CTDNEP1: variants seen among roughly 807,000 people sequenced by gnomAD.
CTDNEP1 encodes the protein C-terminal domain nuclear envelope phosphatase 1.
Under a neutral mutation model 30.1 loss-of-function variants are expected in CTDNEP1, and 3 were observed. The ratio of observed to expected loss-of-function variants is 0.10; its 90% CI spans 0.05 to 0.26. The LOEUF (loss-of-function observed/expected upper bound fraction) is 0.26. Among genes scored for constraint, CTDNEP1 ranks in the 10% least tolerant of loss-of-function variants. CTDNEP1 has a pLI of 1.00. For missense variants in CTDNEP1, 158 were observed against 310.4 expected (o/e 0.51, Z 3.69); for synonymous variants, 123 against 118.8 (o/e 1.04, Z -0.23).
chr17:7,247,366 T>C (rs529799468), intron 1 of CTDNEP1, 23 bp from the exon 2 acceptor site: 42 of 1,598,148 alleles, frequency 2.6e-5, no homozygotes, highest in African/African-American at 2.4e-4. Context: ...CAAAAGAGGA[T>C]TGAAACCCTT....
chr17:7,249,310 C>T (rs893632594), intron 1 of CTDNEP1, among the ~76,000 whole-genome samples: 4 of 151,992 alleles, frequency 2.6e-5, no homozygotes, highest in Non-Finnish European at 5.9e-5. Flanking sequence ...GGCTCTCTCC[C>T]CCTAATCAAG....
chr17:7,251,973 G>C (rs1468350651), upstream of CTDNEP1: 1 of 173,924 alleles, frequency 5.7e-6, no homozygotes, highest in Non-Finnish European at 1.3e-5. Context: ...ACCGTCCAAA[G>C]GACTCCCTCT....
chr17:7,244,103 T>G lies in CTDNEP1; in HGVS notation c.*82A>C. 6.3e-7 allele frequency: 1 copy of G among 1,590,138 alleles called. No homozygotes were observed. Among genetic ancestry groups the G allele is most frequent in the Non-Finnish European group, 8.6e-7 (1 of 1,166,746 alleles). On this transcript the variant is annotated 3_prime_UTR_variant, in exon 8 of 8. Coordinates refer to ENST00000574322, the MANE Select transcript of CTDNEP1 (RefSeq NM_001143775.2). ...AGACCCTGCCCAGGCAGTCCTCACA[T>G]TGGACAGGGCATCAGACGGCATCCC...
Position 7,244,132 on chromosome 17 carries a change from G to A in CTDNEP1, c.*53C>T. On this transcript the variant is annotated 3_prime_UTR_variant, in exon 8 of 8. Coordinates refer to ENST00000574322, the MANE Select transcript of CTDNEP1 (RefSeq NM_001143775.2). ...ACAGGGCATCAGACGGCATCCCAAG[G>A]GCTCGCCCTCCCTTTCCCCCCCACC... 1 of 1,610,654 alleles carries A rather than the reference G, an allele frequency of 6.2e-7. No homozygotes were observed. The highest frequency in any genetic ancestry group is 1.7e-5 in the Admixed American group (1 of 59,908).
chr17:7,244,203 G>A lies in CTDNEP1; in HGVS notation c.717C>T (p.His239=). ...DVRSVLSRNL[H]QHRLW is the part of the protein sequence containing the mutation. ...GCAGCTGTCACCAGAGCCGATGTTG[G>A]TGAAGGTTTCGGCTCAGCACGGAAC... Residue 239 remains histidine (H), a synonymous_variant, in exon 8 of 8, where the codon CAC becomes CAT. Coordinates refer to ENST00000574322, the MANE Select transcript of CTDNEP1 (RefSeq NM_001143775.2). 6.2e-7 allele frequency: 1 copy of A among 1,614,094 alleles called. No homozygotes were observed.
At position 7,247,335 on chromosome 17, in the gene CTDNEP1, C is replaced by T; in HGVS notation, c.111G>A (p.Gln37=). 1 of 1,613,650 alleles carries T rather than the reference C, an allele frequency of 6.2e-7. No individual in the cohort carries two copies. Among genetic ancestry groups the T allele is most frequent in the Non-Finnish European group, 8.5e-7 (1 of 1,179,772 alleles). Residue 37 remains glutamine, a synonymous_variant, in exon 2 of 8, where the codon CAG becomes CAA. Coordinates refer to ENST00000574322, the MANE Select transcript of CTDNEP1 (RefSeq NM_001143775.2). ...GGATATCATATCGAACAGTTTGGTACTGAATTACCTACAAATAGCACAAAA... is the reference window on the plus strand; with the variant it reads ...GGATATCATATCGAACAGTTTGGTATTGAATTACCTACAAATAGCACAAAA... ...LLRRQIRTVI[Q]YQTVRYDILP...
chr17:7,248,782 T>C (rs1597575268), intron 1 of CTDNEP1, among the ~76,000 whole-genome samples: 1 of 152,354 alleles, frequency 6.6e-6, no homozygotes, highest in Non-Finnish European at 1.5e-5. Flanking sequence ...GTGCCTCAGA[T>C]TCCCTAGTGC....
chr17:7,244,384 G>T, intron 7 of CTDNEP1, 139 bp from the exon 8 acceptor site: 1 of 1,194,926 alleles, frequency 8.4e-7, no homozygotes, highest in Non-Finnish European at 1.2e-6. Flanking sequence ...TTTGCCCACA[G>T]CCTACTAGCT....
chr17:7,248,352 CT>C (rs1167534124), intron 1 of CTDNEP1, among the ~76,000 whole-genome samples: 1 of 133,152 alleles, frequency 7.5e-6, no homozygotes, highest in Non-Finnish European at 1.5e-5. Context: ...AACGTGCCCT[CT>C]TTTTTTTTCT....
At chr17:7,249,568 G>A (rs929003095) in intron 1 of CTDNEP1, among the ~76,000 whole-genome samples, 1 of 152,298 alleles carries the variant, frequency 6.6e-6, no homozygotes, top group African/African-American at 2.4e-5. Flanking sequence ...CGTATGCCCA[G>A]AAAACTGATG....
Position 7,251,389 on chromosome 17 carries a change from G to A in CTDNEP1, c.-93C>T. 1 of 859,022 alleles carries A rather than the reference G, an allele frequency of 1.2e-6. No homozygotes were observed. Among genetic ancestry groups the A allele is most frequent in the Non-Finnish European group, 1.6e-6 (1 of 616,270 alleles). 53.2% of individuals were successfully genotyped at this position (859,022 alleles called of 1,614,324 possible). A position where few individuals can be genotyped will look rare whatever the true frequency, so the allele number is the denominator to read the frequency against. Reference sequence around the variant, plus strand: ...GCCCCCCGCCGCCGGGAGGGGGAACGGGGGCCCCGAGTGGCAGGAGAGGCT... The same window carrying A: ...GCCCCCCGCCGCCGGGAGGGGGAACAGGGGCCCCGAGTGGCAGGAGAGGCT... On this transcript the variant is annotated 5_prime_UTR_variant, in exon 1 of 8. Coordinates refer to ENST00000574322, the MANE Select transcript of CTDNEP1 (RefSeq NM_001143775.2).
Position 7,244,557 on chromosome 17 carries a change from G to C in CTDNEP1, c.668C>G (p.Ala223Gly). Reference sequence around the variant, plus strand: ...CAGAGCCCACTTCCCTTACCTGAGGGCATCCAGCATTGGGAGCAGGTTGAG... The same window carrying C: ...CAGAGCCCACTTCCCTTACCTGAGGCCATCCAGCATTGGGAGCAGGTTGAG... ...ALLNLLPMLD[A>G]LRFTADVRSV... The change falls in exon 7 of 8, where the codon GCC becomes GGC. Residue 223 changes from alanine to glycine, a missense_variant. This residue lies in a region of CTDNEP1 where 96 missense variants were observed against 229.1 expected (regional missense o/e 0.42). Coordinates refer to ENST00000574322, the MANE Select transcript of CTDNEP1 (RefSeq NM_001143775.2). 6.2e-7 allele frequency: 1 copy of C among 1,613,492 alleles called. No individual in the cohort carries two copies. The highest frequency in any genetic ancestry group is 8.5e-7 in the Non-Finnish European group (1 of 1,179,500).
chr17:7,244,706 G>C, intron 6 of CTDNEP1, 71 bp from the exon 7 acceptor site: 1 of 1,178,526 alleles, frequency 8.5e-7, no homozygotes, highest in Non-Finnish European at 1.2e-6. Context: ...CTTCTTGGAG[G>C]GAAGGAGGAA....
rs1220257017 is a variant in CTDNEP1, at chr17:7,246,671, C to T, written c.360+120G>A. ...CCACTCCCCTACCATTACACAGCCTCCCCTCTAGAAAACTGCTCTAACCCG... is the reference window on the plus strand; with the variant it reads ...CCACTCCCCTACCATTACACAGCCTTCCCTCTAGAAAACTGCTCTAACCCG... On this transcript the variant is annotated intron_variant, in intron 4 of 7. Coordinates refer to ENST00000574322, the MANE Select transcript of CTDNEP1 (RefSeq NM_001143775.2). The surrounding 1 kb of genome is among the most constrained non-coding windows in gnomAD (Gnocchi z 4.9). 4 of 797,278 alleles carry T rather than the reference C, an allele frequency of 5.0e-6. No homozygotes were observed. Among genetic ancestry groups the T allele is most frequent in the Non-Finnish European group, 8.5e-6 (4 of 470,994 alleles). 49.4% of individuals were successfully genotyped at this position (797,278 alleles called of 1,614,324 possible).
chr17:7,249,412 T>G (rs1283976731), intron 1 of CTDNEP1, among the ~76,000 whole-genome samples: 4 of 152,068 alleles, frequency 2.6e-5, no homozygotes. Flanking sequence ...GCTGGGCATG[T>G]AGGGAATGCT....
intron 1 of CTDNEP1, among the ~76,000 whole-genome samples, chr17:7,248,516 G>A (rs1040395981): frequency 6.6e-6 from 1 of 150,876 alleles, no homozygotes; most frequent in African/African-American, 2.4e-5. Context: ...CGCGAACCAC[G>A]CCCAGCTAAT....
At chr17:7,249,858 C>G (rs1486553802) in intron 1 of CTDNEP1, among the ~76,000 whole-genome samples, 1 of 152,082 alleles carries the variant, frequency 6.6e-6, no homozygotes, top group Non-Finnish European at 1.5e-5. Context: ...TTGCAGTGAG[C>G]GGAGATGGCA....
intron 6 of CTDNEP1, among the ~76,000 whole-genome samples, chr17:7,245,591 C>T (rs1350688311): frequency 2.0e-5 from 3 of 151,216 alleles, no homozygotes; most frequent in South Asian, 2.1e-4. Context: ...CTCCGCCTCC[C>T]GGGTTCAAGC....
chr17:7,244,181 G>C lies in CTDNEP1; in HGVS notation c.*4C>G. The stretch of plus-strand genomic sequence containing the variant: ...CCCCAACTCAGGTGGAGGGGGAGCA[G>C]CTGTCACCAGAGCCGATGTTGGTGA... On this transcript the variant is annotated 3_prime_UTR_variant, in exon 8 of 8. Transcript: ENST00000574322. 6.2e-7 allele frequency: 1 copy of C among 1,613,940 alleles called. No individual in the cohort carries two copies. The highest frequency in any genetic ancestry group is 8.5e-7 in the Non-Finnish European group (1 of 1,179,954).
Sources: gnomAD v4.1 joint callset for allele counts (sites outside exome capture counted in the v4.1 genomes callset) on GRCh38, gnomAD v4.1.1 for gene constraint, gnomAD v4.1.1 regional missense constraint, Gnocchi (gnomAD v3.1) non-coding constraint, MANE v1.5 for transcripts, NCBI Gene and HGNC (gene_info 2026-07-23, HGNC 2026-07-21) for gene names.